Variants in CCSER1 observed in about 807,000 individuals in gnomAD.
The protein encoded by CCSER1 is serine-rich coiled-coil domain-containing protein 1.
In CCSER1, 41 loss-of-function variants were observed where a neutral mutation model predicts 82.0. The observed-to-expected ratio is 0.50, with a 90% CI of 0.39 to 0.65. The LOEUF is 0.65. Among genes scored for constraint, CCSER1 ranks in the 30% least tolerant of loss-of-function variants. The pLI is 0.00. For missense variants in CCSER1, 1,119 were observed against 1,064.2 expected (o/e 1.05, Z -0.72); for synonymous variants, 414 against 383.9 (o/e 1.08, Z -0.92).
Position 91,576,355 on chromosome 4 carries a change from T to A in CCSER1, c.2218-22217T>A, listed in dbSNP as rs145891689. Among the ~76,000 whole-genome samples the A allele has an allele frequency of 2.7e-3, 416 of 152,092 alleles. 1 individual carries two copies. Among genetic ancestry groups the A allele is most frequent in the African/African-American group, 9.6e-3 (397 of 41,554 alleles). On this transcript the variant is annotated intron_variant, in intron 10 of 10. Coordinates refer to ENST00000509176, the MANE Select transcript of CCSER1 (RefSeq NM_001145065.2). The stretch of plus-strand genomic sequence containing the variant: ...ATGTAAAATCTAAAAAAAGTCCAAC[T>A]CATAAAAACAGAGAGTAGAATGATG...
chr4:91,594,005 G>A lies in CCSER1; in HGVS notation c.2218-4567G>A, dbSNP rs866203516. Among the ~76,000 whole-genome samples, 8 of 152,130 alleles carry A rather than the reference G, an allele frequency of 5.3e-5. No homozygotes were observed. In the South Asian group the frequency reaches 1.0e-3, roughly 20 times the overall value. On this transcript the variant is annotated intron_variant, in intron 10 of 10. Transcript: ENST00000509176. ...TGAACTTATTATAATGTGCACAGTCGACTGATTAATCACTAGATTTTCCAT... is the reference window on the plus strand; with the variant it reads ...TGAACTTATTATAATGTGCACAGTCAACTGATTAATCACTAGATTTTCCAT...
chr4:91,544,975 C>T (rs916754408), intron 10 of CCSER1, among the ~76,000 whole-genome samples: 18 of 152,038 alleles, frequency 1.2e-4, no homozygotes, highest in South Asian at 2.1e-4. Flanking sequence ...GCTTCCTAGC[C>T]GCTTTCTTTA....
At chr4:90,397,630 A>G (rs1314698951) in intron 3 of CCSER1, among the ~76,000 whole-genome samples, 2 of 152,214 alleles carry the variant, frequency 1.3e-5, no homozygotes, top group Non-Finnish European at 2.9e-5. Context: ...TGCAGTATGT[A>G]TCACCAGACA....
intron 10 of CCSER1, among the ~76,000 whole-genome samples, chr4:91,587,972 C>A (rs1764081273): frequency 6.7e-6 from 1 of 148,492 alleles, no homozygotes. Flanking sequence ...TTTCAGTGAG[C>A]AAGAAGTTAA....
At chr4:91,281,550 A>G (rs1382614180) in intron 10 of CCSER1, among the ~76,000 whole-genome samples, 3 of 152,212 alleles carry the variant, frequency 2.0e-5, no homozygotes, top group African/African-American at 7.2e-5. Context: ...CAGGATGTCG[A>G]CCATATGACA....
intron 5 of CCSER1, among the ~76,000 whole-genome samples, chr4:90,500,340 A>AT (rs369132506): frequency 0.024 from 3,507 of 145,578 alleles, 52 homozygotes; most frequent in African/African-American, 0.048. Flanking sequence ...CTTGATCCAC[A>AT]TTTTTTTTTT....
chr4:90,236,557 G>T (rs574986631), intron 1 of CCSER1, among the ~76,000 whole-genome samples: 2 of 152,228 alleles, frequency 1.3e-5, no homozygotes, highest in South Asian at 4.1e-4. Flanking sequence ...TTCCACCTGG[G>T]ATAATAACAA....
At chr4:91,159,064 T>C (rs1279487397) in intron 10 of CCSER1, among the ~76,000 whole-genome samples, 1 of 151,960 alleles carries the variant, frequency 6.6e-6, no homozygotes. Context: ...TTTCCAGTGA[T>C]TTCCCATTGC....
intron 1 of CCSER1, among the ~76,000 whole-genome samples, chr4:90,306,764 C>T (rs548272886): frequency 2.9e-4 from 44 of 152,168 alleles, no homozygotes; most frequent in Admixed American, 7.9e-4. Flanking sequence ...GTTGTAAAGA[C>T]TAAGAAATGA....
At chr4:90,422,428 T>A (rs1197016085) in intron 4 of CCSER1, among the ~76,000 whole-genome samples, 3 of 152,024 alleles carry the variant, frequency 2.0e-5, no homozygotes, top group Non-Finnish European at 4.4e-5. Flanking sequence ...CCCTCATCTT[T>A]ACAAAACATA....
At position 91,456,407 on chromosome 4, in the gene CCSER1, G is replaced by A. The variant is rs886162941; in HGVS notation, c.2218-142165G>A. Among the ~76,000 whole-genome samples the A allele has an allele frequency of 9.9e-5, 15 of 152,128 alleles. 1 individual carries two copies. Among genetic ancestry groups the A allele is most frequent in the South Asian group, 8.3e-4 (4 of 4,818 alleles). On this transcript the variant is annotated intron_variant, in intron 10 of 10. Coordinates refer to ENST00000509176, the MANE Select transcript of CCSER1 (RefSeq NM_001145065.2). Reference sequence around the variant, plus strand: ...TAAATGAATAAATGAAAAAGAGGTAGGCAGATGGAACAGAAAAGGGACATT... The same window carrying A: ...TAAATGAATAAATGAAAAAGAGGTAAGCAGATGGAACAGAAAAGGGACATT...
At chr4:90,600,344 G>A (rs1411538510) in intron 5 of CCSER1, among the ~76,000 whole-genome samples, 2 of 152,038 alleles carry the variant, frequency 1.3e-5, no homozygotes, top group Non-Finnish European at 2.9e-5. Context: ...CCCAAAACTT[G>A]GTACAGTCAG....
intron 5 of CCSER1, among the ~76,000 whole-genome samples, chr4:90,525,440 T>C (rs1350638207): frequency 6.6e-5 from 10 of 152,286 alleles, no homozygotes; most frequent in African/African-American, 2.4e-4. Context: ...AACAATTCTG[T>C]ATACTATTAA....
chr4:91,417,565 A>G (rs1285442792), intron 10 of CCSER1, among the ~76,000 whole-genome samples: 1 of 152,142 alleles, frequency 6.6e-6, no homozygotes, highest in Non-Finnish European at 1.5e-5. Flanking sequence ...GTTGGAAGCC[A>G]TTATCCTCAT....
chr4:91,324,285 A>G (rs1746395901), intron 10 of CCSER1, among the ~76,000 whole-genome samples: 1 of 152,138 alleles, frequency 6.6e-6, no homozygotes, highest in South Asian at 2.1e-4. Flanking sequence ...TTTGGAAAAC[A>G]TCAGTCTTTC....
At chr4:91,323,807 CT>C (rs1021941404) in intron 10 of CCSER1, among the ~76,000 whole-genome samples, 1 of 152,112 alleles carries the variant, frequency 6.6e-6, no homozygotes, top group Non-Finnish European at 1.5e-5. Flanking sequence ...TGGGGAATTT[CT>C]TGAATGGAAT....
At chr4:90,915,975 T>A (rs1473547326) in intron 8 of CCSER1, among the ~76,000 whole-genome samples, 7 of 152,048 alleles carry the variant, frequency 4.6e-5, no homozygotes, top group Non-Finnish European at 1.0e-4. Context: ...AAGGACCTCT[T>A]CAAGGAGAAC....
At chr4:91,149,494 T>A (rs898238687) in intron 10 of CCSER1, among the ~76,000 whole-genome samples, 15 of 152,220 alleles carry the variant, frequency 9.9e-5, no homozygotes, top group African/African-American at 2.9e-4. Context: ...TAGATCCCAT[T>A]TGTCAATTCT....
intron 10 of CCSER1, among the ~76,000 whole-genome samples, chr4:91,436,444 A>G (rs963734895): frequency 1.3e-5 from 2 of 152,208 alleles, no homozygotes; most frequent in Non-Finnish European, 2.9e-5. Context: ...AATTTTCTCT[A>G]ATCAATCTTG....
Sources: gnomAD v4.1 joint callset for allele counts (sites outside exome capture counted in the v4.1 genomes callset) on GRCh38, gnomAD v4.1.1 for gene constraint, MANE v1.5 for transcripts, NCBI Gene and HGNC (gene_info 2026-07-23, HGNC 2026-07-21) for gene names.